ASIC2: variants seen among roughly 807,000 people sequenced by gnomAD.
ASIC2 encodes the protein acid-sensing ion channel 2.
Under a neutral mutation model 57.3 loss-of-function variants are expected in ASIC2, and 25 were observed. The ratio of observed to expected loss-of-function variants is 0.44; its 90% CI spans 0.32 to 0.61. The LOEUF (loss-of-function observed/expected upper bound fraction) is 0.61, where lower values mean the gene tolerates loss of function less well. ASIC2 is among the 20% of genes least tolerant of loss of function. ASIC2 has a pLI of 0.06. For synonymous variants in ASIC2, 319 were observed against 307.5 expected, an observed-to-expected ratio of 1.04 and a Z score of -0.39; for missense variants, 641 against 738.1, an observed-to-expected ratio of 0.87 and a Z score of 1.52.
At chr17:33,861,530 GTGT>G (rs1186835489) in intron 1 of ASIC2, among the ~76,000 whole-genome samples, 2 of 152,140 alleles carry the variant, frequency 1.3e-5, no homozygotes, top group Non-Finnish European at 2.9e-5. Context: ...AATTTCATTT[GTGT>G]TAGAAGTATA....
In ASIC2 at chr17:33,292,822, C is replaced by G. The variant is rs369229637; in HGVS notation, c.-707G>C. On this transcript the variant is annotated 5_prime_UTR_variant, in exon 1 of 10. Coordinates refer to ENST00000225823, the MANE Select transcript of ASIC2 (RefSeq NM_183377.2). Reference sequence around the variant, plus strand: ...CTCCCTGGGCTGCGCTCGGCAGAGACCTGCTTAGGCTTCCCCAAGTCCTGC... The same window carrying G: ...CTCCCTGGGCTGCGCTCGGCAGAGAGCTGCTTAGGCTTCCCCAAGTCCTGC... 4.1e-6 allele frequency: 4 copies of G among 985,694 alleles called. No individual in the cohort carries two copies. The East Asian group carries it at 4.5e-4, about 112-fold the overall frequency. The allele number at this position is 985,694 out of a possible 1,614,324, so 61.1% of individuals were successfully genotyped here. A position where few individuals can be genotyped will look rare whatever the true frequency, so the allele number is the denominator to read the frequency against.
chr17:33,494,636 G>A (rs980183300), intron 1 of ASIC2, among the ~76,000 whole-genome samples: 2 of 152,136 alleles, frequency 1.3e-5, no homozygotes, highest in South Asian at 2.1e-4. Flanking sequence ...CACATTGTGG[G>A]GTCACACTGA....
chr17:33,740,543 T>A (rs1198516006), intron 1 of ASIC2, among the ~76,000 whole-genome samples: 3 of 152,124 alleles, frequency 2.0e-5, no homozygotes, highest in Non-Finnish European at 4.4e-5. Context: ...TCCCACCGGA[T>A]CCCTACCATG....
intron 1 of ASIC2, among the ~76,000 whole-genome samples, chr17:34,145,647 C>A (rs1226036528): frequency 6.6e-6 from 1 of 152,230 alleles, no homozygotes; most frequent in African/African-American, 2.4e-5. Flanking sequence ...CAGAGAAAGT[C>A]ACATTCCTCT....
intron 3 of ASIC2, among the ~76,000 whole-genome samples, chr17:33,070,555 C>A (rs2092064634): frequency 6.6e-6 from 1 of 152,130 alleles, no homozygotes; most frequent in South Asian, 2.1e-4. Flanking sequence ...CCAGTATGGT[C>A]TCGATCTCTT....
intron 1 of ASIC2, among the ~76,000 whole-genome samples, chr17:33,759,845 C>T (rs1462860647): frequency 6.6e-6 from 1 of 152,096 alleles, no homozygotes; most frequent in Non-Finnish European, 1.5e-5. Context: ...TGGAGGCCAC[C>T]CAGATTTCAA....
intron 1 of ASIC2, among the ~76,000 whole-genome samples, chr17:33,273,452 C>T (rs1904585704): frequency 6.6e-6 from 1 of 152,186 alleles, no homozygotes; most frequent in Admixed American, 6.5e-5. Flanking sequence ...GCAGAGCTGT[C>T]ACAGCTGACA....
chr17:33,787,909 TC>T, intron 1 of ASIC2, among the ~76,000 whole-genome samples: 1 of 152,248 alleles, frequency 6.6e-6, no homozygotes, highest in Middle Eastern at 3.4e-3. Context: ...GATAGTGAGT[TC>T]TCACAAGATC....
intron 1 of ASIC2, among the ~76,000 whole-genome samples, chr17:33,346,285 C>T (rs1051588137): frequency 6.9e-6 from 1 of 145,470 alleles, no homozygotes. Flanking sequence ...ATAAAGACAC[C>T]TATGTACATT....
chr17:33,146,243 C>G (rs966125569), intron 1 of ASIC2, among the ~76,000 whole-genome samples: 14 of 152,296 alleles, frequency 9.2e-5, no homozygotes, highest in African/African-American at 3.1e-4. Context: ...AATGAATGAG[C>G]AACTAAATGA....
At chr17:33,064,425 C>T (rs1275809445) in intron 3 of ASIC2, among the ~76,000 whole-genome samples, 1 of 152,204 alleles carries the variant, frequency 6.6e-6, no homozygotes, top group Non-Finnish European at 1.5e-5. Flanking sequence ...TGGAGGTCCA[C>T]TCCAGACCCT....
chr17:33,553,424 A>G (rs1915809892), intron 1 of ASIC2, among the ~76,000 whole-genome samples: 1 of 152,152 alleles, frequency 6.6e-6, no homozygotes, highest in African/African-American at 2.4e-5. Flanking sequence ...TAGAATAAAC[A>G]GCTTTATGTC....
chr17:33,035,768 C>T (rs1183745841), intron 3 of ASIC2, among the ~76,000 whole-genome samples: 1 of 152,180 alleles, frequency 6.6e-6, no homozygotes, highest in Non-Finnish European at 1.5e-5. Context: ...TCCCCCTGGG[C>T]TTTTTAGACT....
chr17:33,751,443 A>C (rs1007409025), intron 1 of ASIC2, among the ~76,000 whole-genome samples: 5 of 152,204 alleles, frequency 3.3e-5, no homozygotes, highest in African/African-American at 1.2e-4. Flanking sequence ...TAAGATATAG[A>C]AAGGTCTTTG....
chr17:33,640,618 C>A (rs1418965982), intron 1 of ASIC2, among the ~76,000 whole-genome samples: 1 of 152,224 alleles, frequency 6.6e-6, no homozygotes, highest in Admixed American at 6.5e-5. Context: ...TCAGTTCTTA[C>A]TGAAGAGAAA....
At chr17:33,921,336 C>A (rs893220963) in intron 1 of ASIC2, among the ~76,000 whole-genome samples, 1 of 152,128 alleles carries the variant, frequency 6.6e-6, no homozygotes, top group African/African-American at 2.4e-5. Context: ...GAGGTCCTAC[C>A]ATGATACCTG....
chr17:33,970,823 G>T (rs1391465573), intron 1 of ASIC2, among the ~76,000 whole-genome samples: 1 of 152,190 alleles, frequency 6.6e-6, no homozygotes, highest in East Asian at 1.9e-4. Context: ...TCTGGTGAAA[G>T]GTGGGGGTGA....
At chr17:34,030,517 T>C (rs1348991742) in intron 1 of ASIC2, among the ~76,000 whole-genome samples, 1 of 152,264 alleles carries the variant, frequency 6.6e-6, no homozygotes, top group East Asian at 1.9e-4. Flanking sequence ...TGCAGGACAG[T>C]AGGTGCAGTG....
chr17:33,062,895 T>C (rs1371229288), intron 3 of ASIC2, among the ~76,000 whole-genome samples: 1 of 152,244 alleles, frequency 6.6e-6, no homozygotes, highest in Non-Finnish European at 1.5e-5. Context: ...CTTGTTGAAT[T>C]GATCCCTTTA....
Sources: gnomAD v4.1 joint callset for allele counts (sites outside exome capture counted in the v4.1 genomes callset) on GRCh38, gnomAD v4.1.1 for gene constraint, MANE v1.5 for transcripts, NCBI Gene and HGNC (gene_info 2026-07-23, HGNC 2026-07-21) for gene names.